The following KNDC1 variants were observed in gnomAD, a reference collection of about 807,000 sequenced individuals.
KNDC1 encodes kinase non-catalytic C-lobe domain-containing protein 1.
KNDC1 carries 106 observed loss-of-function variants against 172.8 expected under a neutral mutation model. The ratio of observed to expected loss-of-function variants is 0.61; its 90% CI spans 0.52 to 0.72. The LOEUF (loss-of-function observed/expected upper bound fraction) is 0.72, where lower values mean the gene tolerates loss of function less well. KNDC1 is among the 30% of genes least tolerant of loss of function. KNDC1 has a pLI of 0.00. For synonymous variants in KNDC1, 1,083 were observed against 1,062.2 expected (o/e 1.02, Z -0.38); for missense variants, 2,325 against 2,394.5 (o/e 0.97, Z 0.61).
At chr10:133,188,720 C>T in intron 7 of KNDC1, 67 bp downstream of exon 7, 2 of 686,932 alleles carry the variant, frequency 2.9e-6, no homozygotes, top group South Asian at 3.3e-5. Context: ...CCCCCCACCG[C>T]CGTCCCACAC....
intron 3 of KNDC1, 99 bp downstream of exon 3, chr10:133,168,411 C>T (rs1853254647): frequency 8.0e-7 from 1 of 1,254,130 alleles, no homozygotes; most frequent in East Asian, 2.4e-5. Flanking sequence ...GCGACCTCTG[C>T]AAGTGGCCTC....
intron 3 of KNDC1, among the ~76,000 whole-genome samples, chr10:133,172,242 G>C (rs557516881): frequency 6.6e-6 from 1 of 152,254 alleles, no homozygotes; most frequent in East Asian, 1.9e-4. Context: ...AATGGCGCCC[G>C]CCTCCACCGC....
intron 21 of KNDC1, 97 bp downstream of exon 21, chr10:133,210,821 T>C: frequency 1.9e-6 from 2 of 1,037,122 alleles, no homozygotes; most frequent in Non-Finnish European, 3.0e-6. Context: ...AACGAGGTGG[T>C]CCCTGGCGAC....
Position 133,186,399 on chromosome 10 carries a change from G to A in KNDC1, c.1051G>A (p.Gly351Ser), listed in dbSNP as rs78452191. ...PRKAFLDRKN[G>S]LSSFQAQPKC... ...GAAGGCCTTTCTGGACAGGAAAAAT[G>A]GCCTTTCTAGCTTCCAGGCTCAGCC... The change falls in exon 6 of 30, where the codon GGC becomes AGC. Residue 351 changes from glycine (G) to serine (S), a missense_variant. Gly to Ser is a moderately conservative substitution (Grantham distance 56, BLOSUM62 0). Transcript: ENST00000304613. The A allele has an allele frequency of 1.7e-4, 276 of 1,612,754 alleles. 1 individual carries two copies. The East Asian group carries it at 5.8e-3, about 34-fold the overall frequency.
In KNDC1 at chr10:133,182,876, G is replaced by A. The variant is rs28735566; in HGVS notation, c.361-468G>A. ...TGGTGTGGGCGTGGGTGGCATGGGC[G>A]CAGGCGGCAAGGGCATGGGTGGCGT... On this transcript the variant is annotated intron_variant, in intron 3 of 29. Transcript: ENST00000304613. Among the ~76,000 whole-genome samples the A allele has an allele frequency of 2.7e-5, 4 of 148,016 alleles. No homozygotes were observed. In the East Asian group the frequency reaches 6.1e-4, roughly 23 times the overall value.
At chr10:133,210,174 T>G (rs949800522) in intron 20 of KNDC1, among the ~76,000 whole-genome samples, 3 of 151,678 alleles carry the variant, frequency 2.0e-5, no homozygotes. Context: ...TCACCTGAGG[T>G]CAGGAGTTCG....
chr10:133,162,020 C>T (rs61862758), intron 1 of KNDC1, among the ~76,000 whole-genome samples: 21,395 of 152,240 alleles, frequency 0.14, 1,605 homozygotes, highest in Middle Eastern at 0.23. Flanking sequence ...CTCGGGCCGG[C>T]CGGACAGCTC....
intron 17 of KNDC1, chr10:133,202,214 C>T (rs1248759703): frequency 4.7e-6 from 3 of 637,350 alleles, no homozygotes; most frequent in South Asian, 1.5e-5. Context: ...GACCAGGTTG[C>T]GTTCGGTCGT....
In KNDC1 at chr10:133,198,561, C is replaced by A. The variant is rs374113507; in HGVS notation, c.2070-17C>A. The A allele has an allele frequency of 6.3e-7, 1 of 1,579,966 alleles. No individual in the cohort carries two copies. The highest frequency in any genetic ancestry group is 2.3e-5 in the East Asian group (1 of 43,994). On this transcript the variant is annotated splice_polypyrimidine_tract_variant and intron_variant, in intron 13 of 29. Transcript: ENST00000304613. ...CCGGGCGCAGGCAGCCCCTCCTGAG[C>A]TCTGCTCCTCCCGTAGGGACCAGCC...
At chr10:133,207,980 C>G (rs1229488632) in intron 20 of KNDC1, among the ~76,000 whole-genome samples, 1 of 152,166 alleles carries the variant, frequency 6.6e-6, no homozygotes, top group African/African-American at 2.4e-5. Context: ...GCACTGGGAG[C>G]TGCAGCAGGC....
In KNDC1 at chr10:133,199,020, G is replaced by A. The variant is rs751398029; in HGVS notation, c.2512G>A (p.Glu838Lys). 1.3e-5 allele frequency: 21 copies of A among 1,568,398 alleles called. No individual in the cohort carries two copies. Among genetic ancestry groups the A allele is most frequent in the East Asian group, 9.5e-5 (4 of 42,012 alleles). ...CAAGCCCCCACGAAGCAAGGCCACC[G>A]AGCGCCCGGGCCAGGAGCCAGAGGG... ...PPKPPRSKAT[E>K]RPGQEPEGPG... Residue 838 changes from glutamate to lysine, a missense_variant, in exon 14 of 30, where the codon GAG becomes AAG. Transcript: ENST00000304613.
In KNDC1 at chr10:133,163,550, G is replaced by A. The variant is rs145058164; in HGVS notation, c.102+2981G>A. ...GAAGAGAGCTGTCAGGAGGCCTGGGGATTGGCAGCCAGTGCTCCCAGCTGT... is the reference window on the plus strand; with the variant it reads ...GAAGAGAGCTGTCAGGAGGCCTGGGAATTGGCAGCCAGTGCTCCCAGCTGT... On this transcript the variant is annotated intron_variant, in intron 1 of 29. Transcript: ENST00000304613. This position sits in a 1 kb window ranked among gnomAD's most constrained non-coding sequence, Gnocchi z 4.4. Among the ~76,000 whole-genome samples the A allele has an allele frequency of 1.9e-4, 29 of 152,238 alleles. No homozygotes were observed. Among genetic ancestry groups the A allele is most frequent in the Non-Finnish European group, 2.4e-4 (16 of 68,012 alleles).
At position 133,198,790 on chromosome 10, in the gene KNDC1, C is replaced by T. The variant is rs1318497658; in HGVS notation, c.2282C>T (p.Pro761Leu). 1 of 1,590,748 alleles carries T rather than the reference C, an allele frequency of 6.3e-7. No homozygotes were observed. Among genetic ancestry groups the T allele is most frequent in the Non-Finnish European group, 8.6e-7 (1 of 1,168,960 alleles). Residue 761 changes from proline (P) to leucine (L), a missense_variant, in exon 14 of 30, where the codon CCT (proline) becomes CTT (leucine). By Grantham distance (98) the Pro-to-Leu change is moderately conservative. Coordinates refer to ENST00000304613, the MANE Select transcript of KNDC1 (RefSeq NM_152643.8). ...GACTCAGCCCAGGGCCGCCCCTGCC[C>T]TCCACCCCAGGCCCCAGCAAACCAG... ...QRDSAQGRPC[P>L]PPQAPANQPE...
At chr10:133,198,192 G>A in intron 12 of KNDC1, 145 bp from the exon 13 acceptor site, 1 of 999,928 alleles carries the variant, frequency 1.0e-6, no homozygotes, top group Non-Finnish European at 1.4e-6. Context: ...CCAGGGCCCA[G>A]CACAGAGGAA....
chr10:133,203,921 G>A (rs1383238081), intron 17 of KNDC1, among the ~76,000 whole-genome samples: 2 of 152,260 alleles, frequency 1.3e-5, no homozygotes, highest in Admixed American at 1.3e-4. Context: ...CCAGAGAGGA[G>A]TCTGCGTGAG....
intron 5 of KNDC1, among the ~76,000 whole-genome samples, chr10:133,185,161 AGTGTGGAGTAGGCAGTGTGTG>A (rs1853853448): frequency 8.3e-6 from 1 of 121,034 alleles, no homozygotes; most frequent in Non-Finnish European, 1.9e-5. Context: ...GGAGGGGCGC[AGTGTGGAGTAGGCAGTGTGTG>A]CAGTGTGGAG....
Position 133,216,189 on chromosome 10 carries a change from G to A in KNDC1, c.4677+2067G>A, listed in dbSNP as rs144023935. On this transcript the variant is annotated intron_variant, in intron 26 of 29. Transcript: ENST00000304613. ...AAAATGCTCGGGGGTCAGTGGCTCC[G>A]TTCTGACGATGCCTGGAGTGAGGCG... 8.5e-3 allele frequency among the ~76,000 whole-genome samples: 1,300 copies of A among 152,210 alleles called. 23 individuals carry two copies. The highest frequency in any genetic ancestry group is 0.029 in the African/African-American group (1,219 of 41,544).
chr10:133,219,485 C>T (rs1845536698), intron 28 of KNDC1, among the ~76,000 whole-genome samples: 1 of 152,234 alleles, frequency 6.6e-6, no homozygotes, highest in African/African-American at 2.4e-5. Context: ...ATGACTCAGA[C>T]GAGTCCCAGA....
intron 28 of KNDC1, 75 bp downstream of exon 28, chr10:133,219,165 T>G: frequency 6.5e-7 from 1 of 1,529,430 alleles, no homozygotes; most frequent in East Asian, 2.3e-5. Flanking sequence ...GTGCAGAGCC[T>G]GCCGCACCCA....
Sources: allele counts gnomAD v4.1 joint callset (sites outside exome capture counted in the v4.1 genomes callset), GRCh38; gene constraint gnomAD v4.1.1; non-coding constraint Gnocchi (gnomAD v3.1); transcripts MANE v1.5; gene names NCBI Gene and HGNC (gene_info 2026-07-23, HGNC 2026-07-21).